NAV2: variants seen among roughly 807,000 people sequenced by gnomAD.
NAV2 encodes neuron navigator 2.
A neutral mutation model predicts 223.2 loss-of-function variants in NAV2; 54 were observed. The ratio of observed to expected loss-of-function variants is 0.24; its 90% CI spans 0.19 to 0.30. The LOEUF (loss-of-function observed/expected upper bound fraction) is 0.30, where lower values mean the gene tolerates loss of function less well. NAV2 is among the 10% of genes least tolerant of loss of function. The pLI, the probability that NAV2 is intolerant of heterozygous loss-of-function variation, is 1.00. For synonymous variants in NAV2, 1,279 were observed against 1,239.3 expected (o/e 1.03, Z -0.67); for missense variants, 2,806 against 3,147.5 (o/e 0.89, Z 2.60).
intron 6 of NAV2, among the ~76,000 whole-genome samples, chr11:19,920,160 T>C (rs2044159887): frequency 6.6e-6 from 1 of 152,152 alleles, no homozygotes; most frequent in African/African-American, 2.4e-5. Flanking sequence ...ATGGACTTTA[T>C]TGTTCAAATT....
chr11:19,446,258 A>G (rs186305382), intron 1 of NAV2, among the ~76,000 whole-genome samples: 5 of 152,328 alleles, frequency 3.3e-5, no homozygotes, highest in Admixed American at 2.6e-4. Context: ...TCTCTTGGCT[A>G]GAAAACCCCT....
At chr11:19,995,427 A>C (rs2051774317) in intron 11 of NAV2, among the ~76,000 whole-genome samples, 1 of 152,208 alleles carries the variant, frequency 6.6e-6, no homozygotes, top group African/African-American at 2.4e-5. Flanking sequence ...TGCAGCTGGC[A>C]TGCCGTGGGG....
chr11:19,784,014 CTATTA>C (rs1046512196), intron 1 of NAV2, among the ~76,000 whole-genome samples: 5 of 151,996 alleles, frequency 3.3e-5, no homozygotes, highest in Non-Finnish European at 5.9e-5. Flanking sequence ...GTGATGAATG[CTATTA>C]TATTAAGAAA....
At chr11:20,088,843 T>C (rs925298331) in intron 26 of NAV2, among the ~76,000 whole-genome samples, 2 of 152,076 alleles carry the variant, frequency 1.3e-5, no homozygotes, top group Admixed American at 1.3e-4. Flanking sequence ...TTCTCTGCAG[T>C]GAATCTGAGC....
At chr11:19,749,232 C>T (rs1199111402) in intron 1 of NAV2, among the ~76,000 whole-genome samples, 1 of 152,128 alleles carries the variant, frequency 6.6e-6, no homozygotes, top group Non-Finnish European at 1.5e-5. Context: ...TTCCTGATTT[C>T]TTAGGCCTGG....
chr11:19,536,685 C>T (rs1213795897), intron 1 of NAV2, among the ~76,000 whole-genome samples: 2 of 152,194 alleles, frequency 1.3e-5, no homozygotes, highest in Non-Finnish European at 2.9e-5. Context: ...AGGTCATATA[C>T]CCAACTGGTG....
chr11:19,365,761 T>C (rs1217328021), intron 1 of NAV2, among the ~76,000 whole-genome samples: 1 of 152,240 alleles, frequency 6.6e-6, no homozygotes, highest in African/African-American at 2.4e-5. Context: ...GTCTGCTTTA[T>C]TAGAATTGGG....
chr11:19,399,211 A>C (rs1849584969), intron 1 of NAV2, among the ~76,000 whole-genome samples: 1 of 152,160 alleles, frequency 6.6e-6, no homozygotes, highest in Non-Finnish European at 1.5e-5. Context: ...TCTTAGGCTG[A>C]GTGTCCGTGA....
At chr11:19,874,521 A>T (rs1185400519) in intron 4 of NAV2, among the ~76,000 whole-genome samples, 1 of 152,214 alleles carries the variant, frequency 6.6e-6, no homozygotes, top group Non-Finnish European at 1.5e-5. Flanking sequence ...GTCATGAGGG[A>T]AACATTCTTG....
intron 1 of NAV2, among the ~76,000 whole-genome samples, chr11:19,687,154 A>C (rs1351775592): frequency 6.6e-6 from 1 of 152,154 alleles, no homozygotes; most frequent in Non-Finnish European, 1.5e-5. Flanking sequence ...TAAAATTATT[A>C]TGTTCTCAAT....
At chr11:19,687,462 C>A (rs1385221572) in intron 1 of NAV2, among the ~76,000 whole-genome samples, 2 of 152,160 alleles carry the variant, frequency 1.3e-5, no homozygotes, top group African/African-American at 4.8e-5. Context: ...CCTGTGTAAC[C>A]ACCATCCAGG....
chr11:19,708,738 G>A (rs907728448), upstream of NAV2, among the ~76,000 whole-genome samples: 1 of 152,048 alleles, frequency 6.6e-6, no homozygotes, highest in Non-Finnish European at 1.5e-5. Flanking sequence ...TGATTCAGTG[G>A]ACCTGAGAGC....
At chr11:19,362,369 A>T (rs1430751286) in intron 1 of NAV2, among the ~76,000 whole-genome samples, 2 of 151,916 alleles carry the variant, frequency 1.3e-5, no homozygotes, top group Non-Finnish European at 1.5e-5. Context: ...AAATTGACTC[A>T]TTTTTTTTAA....
chr11:19,380,261 G>T (rs1246993145), intron 1 of NAV2, among the ~76,000 whole-genome samples: 1 of 152,226 alleles, frequency 6.6e-6, no homozygotes, highest in Non-Finnish European at 1.5e-5. Context: ...CATCAAGCTT[G>T]TTACAGTGGG....
At chr11:19,549,702 A>C (rs1215500047) in intron 1 of NAV2, among the ~76,000 whole-genome samples, 1 of 152,232 alleles carries the variant, frequency 6.6e-6, no homozygotes, top group Admixed American at 6.5e-5. Context: ...GGTGTGCTGC[A>C]GGGCAGCTCA....
chr11:20,056,164 C>G (rs1459860504), intron 19 of NAV2, among the ~76,000 whole-genome samples: 1 of 152,192 alleles, frequency 6.6e-6, no homozygotes, highest in Non-Finnish European at 1.5e-5. Context: ...CCTTCCAGGC[C>G]TTTGAGGAAG....
chr11:19,521,918 C>G (rs1036459252), intron 1 of NAV2, among the ~76,000 whole-genome samples: 1 of 152,210 alleles, frequency 6.6e-6, no homozygotes, highest in African/African-American at 2.4e-5. Context: ...CTCCCACCCT[C>G]TGCTCTGAGA....
chr11:19,613,043 G>A (rs1036922726), intron 1 of NAV2, among the ~76,000 whole-genome samples: 1 of 152,152 alleles, frequency 6.6e-6, no homozygotes, highest in African/African-American at 2.4e-5. Context: ...AGAGAATGAG[G>A]AAGAAGCAAA....
At chr11:19,590,502 TCC>T (rs1304463211) in intron 1 of NAV2, among the ~76,000 whole-genome samples, 2 of 152,182 alleles carry the variant, frequency 1.3e-5, no homozygotes, top group Non-Finnish European at 2.9e-5. Flanking sequence ...AAAGCAATTG[TCC>T]CAGAGGATCT....
Sources: allele counts gnomAD v4.1 joint callset (sites outside exome capture counted in the v4.1 genomes callset), GRCh38; gene constraint gnomAD v4.1.1; transcripts MANE v1.5; gene names NCBI Gene and HGNC (gene_info 2026-07-23, HGNC 2026-07-21).